CTNNA3: variants seen among roughly 807,000 people sequenced by gnomAD.
CTNNA3 encodes catenin alpha 3.
CTNNA3 carries 76 observed loss-of-function variants against 95.7 expected under a neutral mutation model. That is an observed-to-expected ratio of 0.79 (90% CI 0.66 to 0.96). The LOEUF is 0.96. CTNNA3 is among the 40% of genes least tolerant of loss of function. The pLI is 0.00. For synonymous variants in CTNNA3, 431 were observed against 374.4 expected (o/e 1.15, Z -1.74); for missense variants, 1,191 against 1,089.8 (o/e 1.09, Z -1.31).
At chr10:66,422,514 G>A (rs1374934388) in intron 11 of CTNNA3, among the ~76,000 whole-genome samples, 1 of 151,118 alleles carries the variant, frequency 6.6e-6, no homozygotes, top group Non-Finnish European at 1.5e-5. Context: ...TGATCTTTTT[G>A]TTTCTTTTTC....
chr10:66,510,236 A>AT (rs199989113), intron 11 of CTNNA3, among the ~76,000 whole-genome samples: 5 of 151,574 alleles, frequency 3.3e-5, no homozygotes, highest in Non-Finnish European at 4.4e-5. Flanking sequence ...TTGTATGTTG[A>AT]TTTTTTTTAT....
intron 9 of CTNNA3, among the ~76,000 whole-genome samples, chr10:66,712,817 C>T (rs531025560): frequency 1.5e-4 from 23 of 152,240 alleles, no homozygotes; most frequent in Admixed American, 9.8e-4. Context: ...CATTCAGCTA[C>T]CTATGCTAGA....
intron 9 of CTNNA3, among the ~76,000 whole-genome samples, chr10:66,729,980 C>T (rs888179938): frequency 3.3e-5 from 5 of 151,784 alleles, no homozygotes; most frequent in Non-Finnish European, 7.4e-5. Flanking sequence ...GTGGCAGGTG[C>T]CTGTAGTCCC....
At chr10:67,215,900 A>C (rs1013400168) in intron 6 of CTNNA3, among the ~76,000 whole-genome samples, 2 of 152,152 alleles carry the variant, frequency 1.3e-5, no homozygotes, top group African/African-American at 4.8e-5. Flanking sequence ...CCCCAGCATA[A>C]TGCTGGTGTT....
chr10:66,383,951 A>C (rs2092865473), intron 11 of CTNNA3, among the ~76,000 whole-genome samples: 1 of 152,220 alleles, frequency 6.6e-6, no homozygotes, highest in Non-Finnish European at 1.5e-5. Context: ...AGGAAGCATG[A>C]AACATGGAAA....
intron 7 of CTNNA3, among the ~76,000 whole-genome samples, chr10:67,006,211 G>A (rs1330577486): frequency 6.6e-6 from 1 of 152,078 alleles, no homozygotes; most frequent in African/African-American, 2.4e-5. Context: ...GGAAGTGGCA[G>A]AGTCAGGATT....
intron 5 of CTNNA3, among the ~76,000 whole-genome samples, chr10:67,501,811 C>T (rs1186073330): frequency 6.6e-6 from 1 of 152,100 alleles, no homozygotes; most frequent in Non-Finnish European, 1.5e-5. Context: ...TTTTCAGCTC[C>T]ATCAGGTCAT....
chr10:66,014,876 G>A (rs560337818), intron 15 of CTNNA3, among the ~76,000 whole-genome samples: 85 of 152,060 alleles, frequency 5.6e-4, no homozygotes, highest in Non-Finnish European at 9.3e-4. Flanking sequence ...AGGCTGAGGC[G>A]GGTGGATCAC....
chr10:66,987,685 C>T (rs1427341694), intron 7 of CTNNA3, among the ~76,000 whole-genome samples: 2 of 152,102 alleles, frequency 1.3e-5, no homozygotes, highest in Non-Finnish European at 2.9e-5. Flanking sequence ...CAAAGACTTA[C>T]CATTACACTT....
intron 11 of CTNNA3, among the ~76,000 whole-genome samples, chr10:66,398,674 T>G (rs1186338208): frequency 6.6e-6 from 1 of 151,950 alleles, no homozygotes; most frequent in Non-Finnish European, 1.5e-5. Flanking sequence ...ACACTTTTTT[T>G]TAGTGCTAAG....
intron 7 of CTNNA3, among the ~76,000 whole-genome samples, chr10:66,901,364 C>A (rs1845737445): frequency 1.3e-5 from 2 of 152,188 alleles, no homozygotes; most frequent in African/African-American, 4.8e-5. Context: ...CTTACAAGAG[C>A]TCCTGAAGGA....
chr10:66,119,180 G>A (rs1159520927), intron 13 of CTNNA3, among the ~76,000 whole-genome samples: 1 of 152,168 alleles, frequency 6.6e-6, no homozygotes, highest in African/African-American at 2.4e-5. Context: ...AGTATGCTAG[G>A]TATGGTGGGA....
At chr10:66,345,844 G>C (rs1381181728) in intron 12 of CTNNA3, among the ~76,000 whole-genome samples, 1 of 151,870 alleles carries the variant, frequency 6.6e-6, no homozygotes, top group Non-Finnish European at 1.5e-5. Context: ...GGGAGGCCAA[G>C]GCGGGTGGAT....
At chr10:66,308,396 C>T (rs1170719499) in intron 12 of CTNNA3, among the ~76,000 whole-genome samples, 3 of 152,088 alleles carry the variant, frequency 2.0e-5, no homozygotes. Context: ...GAATTCACTC[C>T]TGTTTAAGAT....
rs922795907 is a variant in CTNNA3, at chr10:66,619,354, A to C, written c.1374+2338T>G. ...AGACTGGATTAAGAAAATGTGGCAC[A>C]TATACACCATGGAATACTATGCAGC... On this transcript the variant is annotated intron_variant, in intron 10 of 17. Transcript: ENST00000433211. Among the ~76,000 whole-genome samples, 262 of 148,616 alleles carry C rather than the reference A, an allele frequency of 1.8e-3. 1 individual carries two copies. Among genetic ancestry groups the C allele is most frequent in the African/African-American group, 5.7e-3 (235 of 40,876 alleles).
chr10:66,405,182 T>C (rs1477369526), intron 11 of CTNNA3, among the ~76,000 whole-genome samples: 1 of 152,092 alleles, frequency 6.6e-6, no homozygotes, highest in Non-Finnish European at 1.5e-5. Context: ...CTAAAAATGT[T>C]TAGAGTCAAA....
At chr10:67,381,839 A>G (rs1364268367) in intron 5 of CTNNA3, among the ~76,000 whole-genome samples, 1 of 152,314 alleles carries the variant, frequency 6.6e-6, no homozygotes, top group South Asian at 2.1e-4. Context: ...AGCCCTGTCT[A>G]TCAATCATTG....
At chr10:67,309,571 T>A (rs1766925523) in intron 5 of CTNNA3, among the ~76,000 whole-genome samples, 1 of 152,184 alleles carries the variant, frequency 6.6e-6, no homozygotes, top group African/African-American at 2.4e-5. Context: ...TGTGTTGATG[T>A]GTACATGTGT....
intron 14 of CTNNA3, among the ~76,000 whole-genome samples, chr10:66,083,475 A>T (rs2080849372): frequency 6.6e-6 from 1 of 152,196 alleles, no homozygotes; most frequent in Non-Finnish European, 1.5e-5. Context: ...ACCGCCACAC[A>T]CTTTCTACCT....
Sources: allele counts gnomAD v4.1 joint callset (sites outside exome capture counted in the v4.1 genomes callset), GRCh38; gene constraint gnomAD v4.1.1; transcripts MANE v1.5; gene names NCBI Gene and HGNC (gene_info 2026-07-23, HGNC 2026-07-21).